The following PPP3CA variants were observed in gnomAD, a reference collection of about 807,000 sequenced individuals.
PPP3CA encodes CAM-PRP catalytic subunit.
PPP3CA carries 14 observed loss-of-function variants against 66.5 expected under a neutral mutation model. The ratio of observed to expected loss-of-function variants is 0.21; its 90% confidence interval spans 0.14 to 0.33. The LOEUF is 0.33. Among genes scored for constraint, PPP3CA ranks in the 10% least tolerant of loss-of-function variants. PPP3CA has a pLI of 1.00. For missense variants in PPP3CA, 317 were observed against 639.5 expected (o/e 0.50, Z 5.44); for synonymous variants, 232 against 226.2 (o/e 1.03, Z -0.23).
chr4:101,289,589 T>C (rs752685712), intron 1 of PPP3CA, among the ~76,000 whole-genome samples: 2 of 152,234 alleles, frequency 1.3e-5, no homozygotes, highest in Non-Finnish European at 2.9e-5. Context: ...AATCATTTCA[T>C]GATTAATTAT....
At chr4:101,040,625 T>C (rs1727474308) in intron 10 of PPP3CA, 59 bp from the exon 11 acceptor site, 2 of 1,347,488 alleles carry the variant, frequency 1.5e-6, no homozygotes, top group African/African-American at 2.9e-5. Flanking sequence ...TAATTGATTT[T>C]ACACATTTAC....
chr4:101,319,970 CTATATAAGATATTG>C (rs1184956281), intron 1 of PPP3CA, among the ~76,000 whole-genome samples: 1 of 152,052 alleles, frequency 6.6e-6, no homozygotes, highest in African/African-American at 2.4e-5. Context: ...ATTTTGAAGA[CTATATAAGATATTG>C]TGTATACCTG....
At chr4:101,073,934 T>G (rs1000900673) in intron 8 of PPP3CA, among the ~76,000 whole-genome samples, 3 of 152,206 alleles carry the variant, frequency 2.0e-5, no homozygotes, top group Non-Finnish European at 4.4e-5. Context: ...GGCAAACAAG[T>G]GCTCAGGACC....
intron 1 of PPP3CA, among the ~76,000 whole-genome samples, chr4:101,223,673 G>A (rs1187111780): frequency 3.3e-5 from 5 of 151,594 alleles, no homozygotes; most frequent in African/African-American, 4.8e-5. Context: ...CATTTTTCTC[G>A]CCAATCTCCT....
At chr4:101,098,234 G>A in intron 5 of PPP3CA, 133 bp downstream of exon 5, 1 of 953,908 alleles carries the variant, frequency 1.0e-6, no homozygotes, top group Non-Finnish European at 1.4e-6. Flanking sequence ...TAACACAAAG[G>A]AGCGATTCAT....
At chr4:101,196,923 T>G (rs1724812889) in intron 1 of PPP3CA, among the ~76,000 whole-genome samples, 1 of 152,172 alleles carries the variant, frequency 6.6e-6, no homozygotes, top group South Asian at 2.1e-4. Context: ...CAGAGGACAT[T>G]CACTAAACTC....
At chr4:101,029,299 T>G in intron 12 of PPP3CA, 104 bp from the exon 13 acceptor site, 1 of 876,672 alleles carries the variant, frequency 1.1e-6, no homozygotes, top group Admixed American at 2.1e-5. Context: ...AGAGAACTAA[T>G]GTTCCTGTAA....
intron 1 of PPP3CA, among the ~76,000 whole-genome samples, chr4:101,208,441 G>A (rs1191896891): frequency 1.3e-5 from 2 of 152,156 alleles, no homozygotes; most frequent in Non-Finnish European, 2.9e-5. Context: ...TTCCACAGGA[G>A]AGGAATGGAG....
rs888585301 is a variant in PPP3CA, at chr4:101,023,804, A to C, written c.*2061T>G. 3 of 152,662 alleles carry C rather than the reference A, an allele frequency of 2.0e-5. No individual in the cohort carries two copies. Among genetic ancestry groups the C allele is most frequent in the Non-Finnish European group, 4.4e-5 (3 of 68,038 alleles). The allele number at this position is 152,662 out of a possible 1,614,324, so 9.5% of individuals were successfully genotyped here. A position where few individuals can be genotyped will look rare whatever the true frequency, so the allele number is the denominator to read the frequency against. On this transcript the variant is annotated 3_prime_UTR_variant, in exon 14 of 14. Transcript: ENST00000394854. ...TAATATAACAGGCATACTTTATTATATAAAACAAAGTGCACTAAAGATGAA... is the reference window on the plus strand; with the variant it reads ...TAATATAACAGGCATACTTTATTATCTAAAACAAAGTGCACTAAAGATGAA...
chr4:101,265,321 C>T (rs1288059450), intron 1 of PPP3CA, among the ~76,000 whole-genome samples: 1 of 152,016 alleles, frequency 6.6e-6, no homozygotes, highest in African/African-American at 2.4e-5. Context: ...GTTGCCCAGG[C>T]CAGTCTGAAA....
chr4:101,110,571 T>C (rs145201068), intron 2 of PPP3CA, among the ~76,000 whole-genome samples: 1 of 152,192 alleles, frequency 6.6e-6, no homozygotes, highest in Non-Finnish European at 1.5e-5. Context: ...ACTCCAATCA[T>C]ATAGCTTCTT....
At chr4:101,159,915 C>A (rs1271969193) in intron 2 of PPP3CA, among the ~76,000 whole-genome samples, 1 of 151,952 alleles carries the variant, frequency 6.6e-6, no homozygotes, top group Non-Finnish European at 1.5e-5. Context: ...TTGCTGGAAG[C>A]AGTATTCAGT....
Position 101,216,502 on chromosome 4 carries a change from C to T in PPP3CA, c.59-20386G>A, listed in dbSNP as rs186715416. 7.3e-4 allele frequency among the ~76,000 whole-genome samples: 111 copies of T among 152,178 alleles called. 1 individual carries two copies. The highest frequency in any genetic ancestry group is 6.9e-3 in the Admixed American group (106 of 15,274). On this transcript the variant is annotated intron_variant, in intron 1 of 13. Transcript: ENST00000394854. ...ACCACTTTGTAGAACTGCTCAATTG[C>T]TACAAAAATGGCCTGTAGATTATAA...
chr4:101,260,502 T>G (rs188790483), intron 1 of PPP3CA, among the ~76,000 whole-genome samples: 156 of 152,268 alleles, frequency 1.0e-3, no homozygotes, highest in Middle Eastern at 3.4e-3. Context: ...CATATGGAAA[T>G]ACCCAAGATC....
intron 2 of PPP3CA, among the ~76,000 whole-genome samples, chr4:101,176,700 T>C (rs952680226): frequency 6.6e-6 from 1 of 152,134 alleles, no homozygotes; most frequent in Non-Finnish European, 1.5e-5. Flanking sequence ...TGACTAACCC[T>C]TGAGAACAAT....
intron 2 of PPP3CA, among the ~76,000 whole-genome samples, chr4:101,147,774 A>G (rs773325828): frequency 3.3e-5 from 5 of 152,208 alleles, no homozygotes; most frequent in Non-Finnish European, 5.9e-5. Context: ...TCCATATACT[A>G]TATTTTCCTC....
intron 1 of PPP3CA, among the ~76,000 whole-genome samples, chr4:101,220,542 T>A (rs1172055705): frequency 6.6e-6 from 1 of 151,770 alleles, no homozygotes. Context: ...GCTTTTCTGA[T>A]GCTGAAAGAA....
chr4:101,079,271 G>C (rs1560590924), intron 8 of PPP3CA, among the ~76,000 whole-genome samples: 1 of 152,136 alleles, frequency 6.6e-6, no homozygotes, highest in Non-Finnish European at 1.5e-5. Flanking sequence ...CTAATTCCAG[G>C]AGTTTTCAGA....
chr4:101,170,023 CTA>C (rs141910405), intron 2 of PPP3CA, among the ~76,000 whole-genome samples: 108 of 152,176 alleles, frequency 7.1e-4, no homozygotes, highest in African/African-American at 2.6e-3. Context: ...TCCCCTATTT[CTA>C]TAGTTTTCCA....
Sources: allele counts gnomAD v4.1 joint callset (sites outside exome capture counted in the v4.1 genomes callset), GRCh38; gene constraint gnomAD v4.1.1; transcripts MANE v1.5; gene names NCBI Gene and HGNC (gene_info 2026-07-23, HGNC 2026-07-21).